Variants in DGLUCY observed in about 807,000 individuals in gnomAD.
DGLUCY encodes D-glutamate cyclase, mitochondrial.
In DGLUCY, 58 loss-of-function variants were observed where a neutral mutation model predicts 58.5. That is an observed-to-expected ratio of 0.99 (90% CI 0.80 to 1.23). The LOEUF (loss-of-function observed/expected upper bound fraction) is 1.23, where lower values mean the gene tolerates loss of function less well. DGLUCY is among the 50% of genes most tolerant of loss of function. The pLI, the probability that DGLUCY is intolerant of heterozygous loss-of-function variation, is 0.00. For synonymous variants in DGLUCY, 325 were observed against 314.1 expected, an observed-to-expected ratio of 1.03 and a Z score of -0.37; for missense variants, 779 against 784.7, an observed-to-expected ratio of 0.99 and a Z score of 0.09.
At position 91,167,362 on chromosome 14, in the gene DGLUCY, G is replaced by A; in HGVS notation, c.241G>A (p.Ala81Thr). The A allele has an allele frequency of 1.2e-6, 2 of 1,614,176 alleles. No homozygotes were observed. The highest frequency in any genetic ancestry group is 1.7e-6 in the Non-Finnish European group (2 of 1,180,026). The part of the protein sequence containing the change: ...PEKWMLPPQG[A>T]ISETRMGHPQ... The stretch of plus-strand genomic sequence containing the variant: ...AAAGTGGATGCTGCCCCCTCAAGGT[G>A]CTATCTCAGAGACCAGGTAAAAAGC... Residue 81 changes from alanine (A) to threonine (T), a missense_variant, in exon 4 of 14, where the codon GCT becomes ACT. Ala to Thr is a moderately conservative substitution (Grantham distance 58). Coordinates refer to ENST00000256324, the MANE Select transcript of DGLUCY (RefSeq NM_001102368.3).
chr14:91,200,017 C>T (rs1272317477), intron 11 of DGLUCY, 112 bp downstream of exon 11: 48 of 1,387,588 alleles, frequency 3.5e-5, no homozygotes, highest in African/African-American at 4.3e-5. Context: ...TGCAGTGGCA[C>T]GATCTTGGCT....
intron 3 of DGLUCY, among the ~76,000 whole-genome samples, chr14:91,163,456 C>T (rs1035797896): frequency 5.3e-5 from 8 of 152,110 alleles, no homozygotes; most frequent in African/African-American, 1.7e-4. Flanking sequence ...GGGTGTCTCA[C>T]GTGTCCTCAT....
chr14:91,074,116 TATAC>T lies in DGLUCY; in HGVS notation c.-82+13414_-82+13417del, dbSNP rs1188540039. ...ACCAAAAAAAAAAAATATATATATA[TATAC>T]ACACACACACACACACACACACACA... On this transcript the variant is annotated intron_variant, in intron 1 of 4. Transcript: ENST00000521334. 3.3e-3 allele frequency among the ~76,000 whole-genome samples: 254 copies of T among 77,492 alleles called. 4 individuals carry two copies. The highest frequency in any genetic ancestry group is 8.1e-3 in the African/African-American group (152 of 18,748). The allele number at this position is 77,492 out of a possible 152,430, so 50.8% of individuals were successfully genotyped here.
chr14:91,118,317 C>T (rs1286011170), intron 1 of DGLUCY, among the ~76,000 whole-genome samples: 9 of 152,008 alleles, frequency 5.9e-5, no homozygotes, highest in Non-Finnish European at 2.9e-5. Context: ...TGGTCTTGAA[C>T]TCCTGACCTC....
chr14:91,174,959 G>C (rs186861045), intron 6 of DGLUCY, among the ~76,000 whole-genome samples: 161 of 152,250 alleles, frequency 1.1e-3, no homozygotes, highest in Non-Finnish European at 1.7e-3. Context: ...TGCGGTGTGA[G>C]AGCAGAGGAA....
intron 1 of DGLUCY, among the ~76,000 whole-genome samples, chr14:91,099,342 GGC>G (rs2044445944): frequency 6.6e-6 from 1 of 152,094 alleles, no homozygotes; most frequent in Admixed American, 6.5e-5. Context: ...AGACCAGCCT[GGC>G]CAACATGGTG....
chr14:91,102,350 C>G (rs933907765), intron 1 of DGLUCY, among the ~76,000 whole-genome samples: 2 of 152,046 alleles, frequency 1.3e-5, no homozygotes, highest in African/African-American at 4.8e-5. Flanking sequence ...AAATCCTTCT[C>G]GAGAAAGTGT....
At chr14:91,191,891 C>T (rs1458395073) in intron 9 of DGLUCY, among the ~76,000 whole-genome samples, 2 of 152,056 alleles carry the variant, frequency 1.3e-5, no homozygotes, top group Non-Finnish European at 2.9e-5. Flanking sequence ...ATCAAGAGTC[C>T]AGGTTTGACA....
chr14:91,223,699 C>T, intron 13 of DGLUCY: 1 of 1,288,056 alleles, frequency 7.8e-7, no homozygotes, highest in Non-Finnish European at 1.0e-6. Flanking sequence ...GGAGAAAGCT[C>T]TAGGCTAAAG....
At chr14:91,155,879 G>C (rs1051090918) in intron 1 of DGLUCY, among the ~76,000 whole-genome samples, 2 of 150,704 alleles carry the variant, frequency 1.3e-5, no homozygotes, top group Admixed American at 6.6e-5. Flanking sequence ...CACAACTCCA[G>C]AGGGCGCCAT....
chr14:91,150,133 T>C (rs1371909546), intron 1 of DGLUCY, among the ~76,000 whole-genome samples: 2 of 148,662 alleles, frequency 1.3e-5, no homozygotes, highest in East Asian at 4.0e-4. Flanking sequence ...GCAGGAGAAT[T>C]GCTTGAACCC....
At chr14:91,186,217 T>G (rs1426416281) in intron 8 of DGLUCY, among the ~76,000 whole-genome samples, 2 of 152,126 alleles carry the variant, frequency 1.3e-5, no homozygotes, top group African/African-American at 4.8e-5. Context: ...CATCCCAATT[T>G]TTTTATTTAA....
intron 13 of DGLUCY, among the ~76,000 whole-genome samples, chr14:91,224,390 A>G (rs1397143492): frequency 6.6e-6 from 1 of 152,110 alleles, no homozygotes; most frequent in Non-Finnish European, 1.5e-5. Flanking sequence ...CTAAGAAACT[A>G]TGTTTCCATT....
chr14:91,189,238 A>C, intron 9 of DGLUCY, 68 bp downstream of exon 9: 5 of 1,580,828 alleles, frequency 3.2e-6, no homozygotes, highest in Non-Finnish European at 4.3e-6. Flanking sequence ...GGAGGGAATC[A>C]GCATCTGCAG....
upstream of DGLUCY, among the ~76,000 whole-genome samples, chr14:91,107,269 G>A (rs572948489): frequency 4.0e-5 from 6 of 151,652 alleles, no homozygotes; most frequent in South Asian, 6.3e-4. Flanking sequence ...CTGTAATCCC[G>A]GCACTTTGGC....
upstream of DGLUCY, among the ~76,000 whole-genome samples, chr14:91,103,127 G>A (rs1247524940): frequency 6.6e-6 from 1 of 152,082 alleles, no homozygotes; most frequent in Non-Finnish European, 1.5e-5. Flanking sequence ...CCAAGGGAGA[G>A]CAACTTAATG....
chr14:91,175,959 C>T lies in DGLUCY; in HGVS notation c.633C>T (p.Ser211=). The change falls in exon 7 of 14, where the codon TCC becomes TCT. Residue 211 remains serine (S), a synonymous_variant. Coordinates refer to ENST00000256324, the MANE Select transcript of DGLUCY (RefSeq NM_001102368.3). Reference sequence around the variant, plus strand: ...AACTGTTGGGAATCAAAGAGCTTTCCAAACCTGCCTACGGGGATGCCATGG... The same window carrying T: ...AACTGTTGGGAATCAAAGAGCTTTCTAAACCTGCCTACGGGGATGCCATGG... ...DPELLGIKEL[S]KPAYGDAMVC... The T allele has an allele frequency of 1.9e-6, 3 of 1,613,994 alleles. No homozygotes were observed. Among genetic ancestry groups the T allele is most frequent in the Non-Finnish European group, 2.5e-6 (3 of 1,179,902 alleles).
chr14:91,097,997 T>A (rs1235442862), intron 1 of DGLUCY, among the ~76,000 whole-genome samples: 2 of 152,130 alleles, frequency 1.3e-5, no homozygotes, highest in African/African-American at 4.8e-5. Flanking sequence ...CCAATGTTCA[T>A]AATATAAATA....
chr14:91,176,788 G>C lies in DGLUCY; in HGVS notation c.730+732G>C, dbSNP rs575655100. Among the ~76,000 whole-genome samples the C allele has an allele frequency of 3.3e-5, 5 of 152,264 alleles. No individual in the cohort carries two copies. In the South Asian group the frequency reaches 8.3e-4, roughly 25 times the overall value. On this transcript the variant is annotated intron_variant, in intron 7 of 13. Transcript: ENST00000256324. ...GGCTAATTTTTGTATTTTTAGTAGAGACGAGGTTTTGCCATGTTGGCCACG... is the reference window on the plus strand; with the variant it reads ...GGCTAATTTTTGTATTTTTAGTAGACACGAGGTTTTGCCATGTTGGCCACG...
Sources: allele counts gnomAD v4.1 joint callset (sites outside exome capture counted in the v4.1 genomes callset), GRCh38; gene constraint gnomAD v4.1.1; transcripts MANE v1.5; gene names NCBI Gene and HGNC (gene_info 2026-07-23, HGNC 2026-07-21).